Variants in CFAP157 observed in about 807,000 individuals in gnomAD.
CFAP157 encodes the protein cilia- and flagella-associated protein 157.
In CFAP157, 43 loss-of-function variants were observed where a neutral mutation model predicts 57.8. That is an observed-to-expected ratio of 0.74 (90% CI 0.58 to 0.96). CFAP157 has a LOEUF of 0.96. CFAP157 is among the 40% of genes least tolerant of loss of function. The pLI is 0.00. For missense variants in CFAP157, 606 were observed against 655.3 expected (o/e 0.92, Z 0.82); for synonymous variants, 267 against 269.0 (o/e 0.99, Z 0.07).
At position 127,710,009 on chromosome 9, in the gene CFAP157, T is replaced by G. The variant is rs117143823; in HGVS notation, c.433+316T>G. 2.8e-3 allele frequency among the ~76,000 whole-genome samples: 422 copies of G among 152,318 alleles called. 11 individuals carry two copies. The East Asian group carries it at 0.062, about 23-fold the overall frequency. Reference sequence around the variant, plus strand: ...GCTGCTGGCTGGGCGTGGTGGCCCATGCCTGTAAAACCCTGTGCTTTAGGA... The same window carrying G: ...GCTGCTGGCTGGGCGTGGTGGCCCAGGCCTGTAAAACCCTGTGCTTTAGGA... On this transcript the variant is annotated intron_variant, in intron 2 of 8. Transcript: ENST00000373295.
intron 4 of CFAP157, 114 bp from the exon 5 acceptor site, chr9:127,711,706 C>A: frequency 1.6e-6 from 2 of 1,278,718 alleles, no homozygotes; most frequent in Non-Finnish European, 2.1e-6. Context: ...AAGCAGAGTC[C>A]AGCCCTGGAG....
At position 127,714,009 on chromosome 9, in the gene CFAP157, A is replaced by G. The variant is rs1842833350; in HGVS notation, c.*104A>G. On this transcript the variant is annotated 3_prime_UTR_variant, in exon 9 of 9. Transcript: ENST00000373295. ...GAACAGTCTAGAGGAGATTTGTATAAAAAGTAGATACCAAGGCTGGCGTGG... is the reference window on the plus strand; with the variant it reads ...GAACAGTCTAGAGGAGATTTGTATAGAAAGTAGATACCAAGGCTGGCGTGG... 2 of 1,582,218 alleles carry G rather than the reference A, an allele frequency of 1.3e-6. No individual in the cohort carries two copies. The highest frequency in any genetic ancestry group is 8.7e-7 in the Non-Finnish European group (1 of 1,153,104).
In CFAP157 at chr9:127,712,241, G is replaced by A; in HGVS notation, c.1029G>A (p.Gln343=). 2 of 1,614,068 alleles carry A rather than the reference G, an allele frequency of 1.2e-6. No homozygotes were observed. The highest frequency in any genetic ancestry group is 1.3e-5 in the African/African-American group (1 of 75,064). ...DQLSLQLEQQ[Q]VDLQRLQQEL... The stretch of plus-strand genomic sequence containing the variant: ...TGAGCCTGCAGCTGGAGCAGCAGCA[G>A]GTGGATTTGCAGCGGCTACAGCAGG... Residue 343 remains glutamine, a synonymous_variant, in exon 6 of 9, where the codon CAG becomes CAA. Coordinates refer to ENST00000373295, the MANE Select transcript of CFAP157 (RefSeq NM_001012502.3).
In CFAP157 at chr9:127,715,412, A is replaced by G; in HGVS notation, c.*1507A>G. ...AGGAACGGAGCTTCAAGAAGTTTGG[A>G]GCCCGTCGAGCACTGAACTCACCAG... On this transcript the variant is annotated 3_prime_UTR_variant, in exon 9 of 9. Coordinates refer to ENST00000373295, the MANE Select transcript of CFAP157 (RefSeq NM_001012502.3). This position sits in a 1 kb window ranked among gnomAD's most constrained non-coding sequence, Gnocchi z 5.8. 1.5e-6 allele frequency: 2 copies of G among 1,374,802 alleles called. No homozygotes were observed. Among genetic ancestry groups the G allele is most frequent in the Admixed American group, 2.0e-5 (1 of 51,076 alleles). The allele number at this position is 1,374,802 out of a possible 1,614,324, so 85.2% of individuals were successfully genotyped here. A position where few individuals can be genotyped will look rare whatever the true frequency, so the allele number is the denominator to read the frequency against.
chr9:127,709,462 A>C lies in CFAP157; in HGVS notation c.202A>C (p.Met68Leu), dbSNP rs2131585915. ...KWDELAVQEK[M>L]FRQEFEQLAN... ...GGATGAGCTGGCTGTGCAGGAGAAG[A>C]TGTTCCGCCAGGAGTTTGAGCAGCT... The change falls in exon 2 of 9, where the codon ATG (methionine) becomes CTG (leucine). Residue 68 changes from methionine (M) to leucine (L), a missense_variant. Physicochemically the swap from Met to Leu is conservative, Grantham distance 15. Transcript: ENST00000373295. This position sits in a 1 kb window ranked among gnomAD's most constrained non-coding sequence, Gnocchi z 4.7. The C allele has an allele frequency of 6.2e-7, 1 of 1,613,926 alleles. No individual in the cohort carries two copies.
chr9:127,712,645 T>A, intron 6 of CFAP157, 64 bp from the exon 7 acceptor site: 1 of 1,613,018 alleles, frequency 6.2e-7, no homozygotes, highest in Non-Finnish European at 8.5e-7. Context: ...AGGTTGGAAT[T>A]TCCTGGACGA....
rs771496957 is a variant in CFAP157, at chr9:127,715,653, A to C, written c.*1748A>C. ...GCCCGGCCTCATGCTGCCCCCATTC[A>C]CTCCGACACCGCCCCCTGACGTCAT... On this transcript the variant is annotated 3_prime_UTR_variant, in exon 9 of 9. Transcript: ENST00000373295. The surrounding 1 kb of genome is among the most constrained non-coding windows in gnomAD (Gnocchi z 5.8). 11 of 1,607,108 alleles carry C rather than the reference A, an allele frequency of 6.8e-6. No homozygotes were observed. Among genetic ancestry groups the C allele is most frequent in the Middle Eastern group, 3.3e-4 (2 of 6,034 alleles).
Position 127,715,413 on chromosome 9 carries a change from G to A in CFAP157, c.*1508G>A. On this transcript the variant is annotated 3_prime_UTR_variant, in exon 9 of 9. Transcript: ENST00000373295. The surrounding 1 kb of genome is among the most constrained non-coding windows in gnomAD (Gnocchi z 5.8). The stretch of plus-strand genomic sequence containing the variant: ...GGAACGGAGCTTCAAGAAGTTTGGA[G>A]CCCGTCGAGCACTGAACTCACCAGT... The A allele has an allele frequency of 1.5e-6, 2 of 1,378,042 alleles. No individual in the cohort carries two copies. The highest frequency in any genetic ancestry group is 2.0e-6 in the Non-Finnish European group (2 of 995,900). The allele number at this position is 1,378,042 out of a possible 1,614,324, so 85.4% of individuals were successfully genotyped here.
rs1842717514 is a variant in CFAP157 at position 127,709,596 on chromosome 9, A to G, written c.336A>G (p.Lys112=). The G allele has an allele frequency of 1.2e-6, 2 of 1,613,916 alleles. No homozygotes were observed. Among genetic ancestry groups the G allele is most frequent in the Non-Finnish European group, 1.7e-6 (2 of 1,180,036 alleles). ...NEQLQNLQLA[K]EMEKDAFEAQ... The stretch of plus-strand genomic sequence containing the variant: ...AGCTCCAGAACTTGCAGCTAGCCAA[A>G]GAGATGGAGAAGGATGCCTTCGAGG... The change falls in exon 2 of 9, where the codon AAA becomes AAG. Residue 112 remains lysine, a synonymous_variant. Transcript: ENST00000373295. The surrounding 1 kb of genome is among the most constrained non-coding windows in gnomAD (Gnocchi z 4.7).
In CFAP157 at chr9:127,715,754, G is replaced by A; in HGVS notation, c.*1849G>A. ...CGTCCAATCCGGGCCGGGCTACGTG[G>A]CCGCCATGCTTCTGAGGGGCGGAAG... On this transcript the variant is annotated 3_prime_UTR_variant, in exon 9 of 9. Transcript: ENST00000373295. This position sits in a 1 kb window ranked among gnomAD's most constrained non-coding sequence, Gnocchi z 5.8. 1.3e-6 allele frequency: 2 copies of A among 1,530,054 alleles called. No individual in the cohort carries two copies. The highest frequency in any genetic ancestry group is 8.7e-7 in the Non-Finnish European group (1 of 1,143,594). 94.8% of individuals were successfully genotyped at this position (1,530,054 alleles called of 1,614,324 possible).
Position 127,709,437 on chromosome 9 carries a change from G to C in CFAP157, c.177G>C (p.Trp59Cys). 1 of 1,613,540 alleles carries C rather than the reference G, an allele frequency of 6.2e-7. No individual in the cohort carries two copies. Among genetic ancestry groups the C allele is most frequent in the African/African-American group, 1.3e-5 (1 of 75,052 alleles). Residue 59 changes from tryptophan (W) to cysteine (C), a missense_variant, in exon 2 of 9, where the codon TGG (tryptophan) becomes TGC (cysteine). Transcript: ENST00000373295. This position sits in a 1 kb window ranked among gnomAD's most constrained non-coding sequence, Gnocchi z 4.7. ...CCTGCCCCAGGTACCAGCGGAAGTG[G>C]GATGAGCTGGCTGTGCAGGAGAAGA... is the stretch of plus-strand genomic sequence containing the variant. ...EDRLARYQRK[W>C]DELAVQEKMF...
Position 127,714,924 on chromosome 9 carries a change from CA to C in CFAP157, c.*1021del. The C allele has an allele frequency of 1.2e-6, 1 of 828,396 alleles. No homozygotes were observed. Among genetic ancestry groups the C allele is most frequent in the Non-Finnish European group, 1.8e-6 (1 of 542,162 alleles). 51.3% of individuals were successfully genotyped at this position (828,396 alleles called of 1,614,324 possible). A position where few individuals can be genotyped will look rare whatever the true frequency, so the allele number is the denominator to read the frequency against. ...GTGCTCCCCTCTGGCCCCCGCGCCC[CA>C]ACCCCCACCCCCTTGGCCCGCCCGC... On this transcript the variant is annotated 3_prime_UTR_variant, in exon 9 of 9. Transcript: ENST00000373295.
intron 6 of CFAP157, 93 bp from the exon 7 acceptor site, chr9:127,712,616 T>C: frequency 6.2e-7 from 1 of 1,604,138 alleles, no homozygotes; most frequent in East Asian, 2.2e-5. Context: ...CAGGGAAAAC[T>C]TCGTGGAAAT....
At position 127,714,232 on chromosome 9, in the gene CFAP157, C is replaced by T. The variant is rs10851; in HGVS notation, c.*327C>T. 1.7e-5 allele frequency: 28 copies of T among 1,613,844 alleles called. No homozygotes were observed. The highest frequency in any genetic ancestry group is 5.5e-5 in the South Asian group (5 of 91,088). ...AGCAGCCCAGCACATGGGCCTGAAC[C>T]GCCTCAGGGTGCGCCGGGCGCCCGA... On this transcript the variant is annotated 3_prime_UTR_variant, in exon 9 of 9. Coordinates refer to ENST00000373295, the MANE Select transcript of CFAP157 (RefSeq NM_001012502.3).
chr9:127,715,731 T>C lies in CFAP157; in HGVS notation c.*1826T>C, dbSNP rs1415792259. The C allele has an allele frequency of 2.6e-6, 4 of 1,545,026 alleles. 1 individual carries two copies. Among genetic ancestry groups the C allele is most frequent in the South Asian group, 2.3e-5 (2 of 85,300 alleles). On this transcript the variant is annotated 3_prime_UTR_variant, in exon 9 of 9. Transcript: ENST00000373295. This position sits in a 1 kb window ranked among gnomAD's most constrained non-coding sequence, Gnocchi z 5.8. ...AACTGTTTGGCGTCCACCGCCAACG[T>C]CCAATCCGGGCCGGGCTACGTGGCC... is the stretch of plus-strand genomic sequence containing the variant.
Position 127,709,741 on chromosome 9 carries a change from T to C in CFAP157, c.433+48T>C, listed in dbSNP as rs377409854. 3 of 1,577,658 alleles carry C rather than the reference T, an allele frequency of 1.9e-6. No homozygotes were observed. The highest frequency in any genetic ancestry group is 2.6e-6 in the Non-Finnish European group (3 of 1,158,086). On this transcript the variant is annotated intron_variant, in intron 2 of 8. Transcript: ENST00000373295. The surrounding 1 kb of genome is among the most constrained non-coding windows in gnomAD (Gnocchi z 4.7). Reference sequence around the variant, plus strand: ...AGCCTGCAGGCACACATCCCAGCTCTATCACTGACCCTGTTTCTCACCTGG... The same window carrying C: ...AGCCTGCAGGCACACATCCCAGCTCCATCACTGACCCTGTTTCTCACCTGG...
In CFAP157 at chr9:127,709,170, C is replaced by T. The variant is rs1055798045; in HGVS notation, c.162-252C>T. ...CAGGTGTTGGGGACATACTTGTAAA[C>T]ATAACAAGGCCCTGCCCTCATGGAG... is the stretch of plus-strand genomic sequence containing the variant. On this transcript the variant is annotated intron_variant, in intron 1 of 8. Transcript: ENST00000373295. The surrounding 1 kb of genome is among the most constrained non-coding windows in gnomAD (Gnocchi z 4.7). Among the ~76,000 whole-genome samples the T allele has an allele frequency of 6.6e-6, 1 of 152,234 alleles. No homozygotes were observed. The highest frequency in any genetic ancestry group is 1.5e-5 in the Non-Finnish European group (1 of 68,036).
At position 127,715,091 on chromosome 9, in the gene CFAP157, G is replaced by C; in HGVS notation, c.*1186G>C. On this transcript the variant is annotated 3_prime_UTR_variant, in exon 9 of 9. Transcript: ENST00000373295. This position sits in a 1 kb window ranked among gnomAD's most constrained non-coding sequence, Gnocchi z 5.8. ...GTCGGCGGCACAGTGCCGGTCGCGCGTCCAACTCTCCGCCACACCCAGCCG... is the reference window on the plus strand; with the variant it reads ...GTCGGCGGCACAGTGCCGGTCGCGCCTCCAACTCTCCGCCACACCCAGCCG... 6.5e-7 allele frequency: 1 copy of C among 1,532,734 alleles called. No individual in the cohort carries two copies. Among genetic ancestry groups the C allele is most frequent in the Non-Finnish European group, 8.7e-7 (1 of 1,145,564 alleles). The allele number at this position is 1,532,734 out of a possible 1,614,324, so 94.9% of individuals were successfully genotyped here. A position where few individuals can be genotyped will look rare whatever the true frequency, so the allele number is the denominator to read the frequency against.
At position 127,715,913 on chromosome 9, in the gene CFAP157, G is replaced by T; in HGVS notation, c.*2008G>T. 1.3e-6 allele frequency: 1 copy of T among 758,930 alleles called. No individual in the cohort carries two copies. Among genetic ancestry groups the T allele is most frequent in the Non-Finnish European group, 2.1e-6 (1 of 479,800 alleles). The allele number at this position is 758,930 out of a possible 1,614,324, so 47.0% of individuals were successfully genotyped here. ...GTTGGGAGGCCTTGTTATGCCCCCCGCTATGGCCCTGACTTGCGGCGAAAA... is the reference window on the plus strand; with the variant it reads ...GTTGGGAGGCCTTGTTATGCCCCCCTCTATGGCCCTGACTTGCGGCGAAAA... On this transcript the variant is annotated 3_prime_UTR_variant, in exon 9 of 9. Coordinates refer to ENST00000373295, the MANE Select transcript of CFAP157 (RefSeq NM_001012502.3). This position sits in a 1 kb window ranked among gnomAD's most constrained non-coding sequence, Gnocchi z 5.8.
Sources: gnomAD v4.1 joint callset for allele counts (sites outside exome capture counted in the v4.1 genomes callset) on GRCh38, gnomAD v4.1.1 for gene constraint, Gnocchi (gnomAD v3.1) non-coding constraint, MANE v1.5 for transcripts, NCBI Gene and HGNC (gene_info 2026-07-23, HGNC 2026-07-21) for gene names.